CRIM1: variants seen among roughly 807,000 people sequenced by gnomAD.
CRIM1 encodes the protein cysteine rich transmembrane BMP regulator 1.
A neutral mutation model predicts 116.4 loss-of-function variants in CRIM1; 32 were observed. The observed-to-expected ratio is 0.27, with a 90% CI of 0.21 to 0.37. The LOEUF is 0.37. CRIM1 is among the 10% of genes least tolerant of loss of function. The pLI is 1.00. For synonymous variants in CRIM1, 590 were observed against 509.2 expected, an observed-to-expected ratio of 1.16 and a Z score of -2.13; for missense variants, 1,331 against 1,354.8, an observed-to-expected ratio of 0.98 and a Z score of 0.28.
chr2:36,463,825 C>T (rs952514952), intron 4 of CRIM1, among the ~76,000 whole-genome samples: 9 of 152,140 alleles, frequency 5.9e-5, no homozygotes, highest in African/African-American at 1.7e-4. Flanking sequence ...GCAGAGAGAT[C>T]GATGCTCAGG....
At chr2:36,432,790 TA>T (rs77459787) in intron 2 of CRIM1, among the ~76,000 whole-genome samples, 2 of 151,272 alleles carry the variant, frequency 1.3e-5, no homozygotes, top group Non-Finnish European at 3.0e-5. Flanking sequence ...TGGGGAACTG[TA>T]AAAAAAAATA....
intron 2 of CRIM1, among the ~76,000 whole-genome samples, chr2:36,397,036 T>C (rs146799448): frequency 5.9e-5 from 9 of 152,306 alleles, no homozygotes; most frequent in African/African-American, 2.2e-4. Context: ...AGGCCACCTC[T>C]GCATAATGGA....
At chr2:36,454,467 C>G (rs1676982759) in intron 4 of CRIM1, among the ~76,000 whole-genome samples, 1 of 152,048 alleles carries the variant, frequency 6.6e-6, no homozygotes, top group Non-Finnish European at 1.5e-5. Context: ...CAGGAATGAA[C>G]CGAGGTCTCT....
chr2:36,359,177 T>TTGAA (rs997853553), intron 1 of CRIM1, among the ~76,000 whole-genome samples: 2 of 152,208 alleles, frequency 1.3e-5, no homozygotes, highest in Admixed American at 1.3e-4. Context: ...TTTATTCATG[T>TTGAA]TGAAGTCTCT....
At chr2:36,477,340 G>A (rs3770854) in intron 6 of CRIM1, among the ~76,000 whole-genome samples, 11 of 152,086 alleles carry the variant, frequency 7.2e-5, no homozygotes, top group Admixed American at 1.3e-4. Flanking sequence ...GTTGTTTTCC[G>A]TTCCTCCCCT....
intron 5 of CRIM1, among the ~76,000 whole-genome samples, chr2:36,470,963 A>T (rs1257056514): frequency 6.6e-6 from 1 of 152,188 alleles, no homozygotes; most frequent in East Asian, 1.9e-4. Context: ...GAAGAAGTTG[A>T]TTCCAACCCT....
intron 7 of CRIM1, among the ~76,000 whole-genome samples, chr2:36,482,691 G>C (rs1263295770): frequency 6.6e-6 from 1 of 152,226 alleles, no homozygotes; most frequent in Non-Finnish European, 1.5e-5. Flanking sequence ...AAATTCCTCT[G>C]TGCACAGTTG....
At chr2:36,366,924 G>T (rs1163312303) in intron 1 of CRIM1, among the ~76,000 whole-genome samples, 1 of 152,226 alleles carries the variant, frequency 6.6e-6, no homozygotes, top group East Asian at 1.9e-4. Flanking sequence ...GGTGTGAGGA[G>T]TGTGGGATGC....
At chr2:36,373,951 G>C (rs78277067) in intron 1 of CRIM1, among the ~76,000 whole-genome samples, 1 of 152,146 alleles carries the variant, frequency 6.6e-6, no homozygotes, top group Non-Finnish European at 1.5e-5. Flanking sequence ...GCCATCATTC[G>C]TTAATTTACA....
intron 1 of CRIM1, among the ~76,000 whole-genome samples, chr2:36,394,189 C>T (rs1671836304): frequency 1.3e-5 from 2 of 152,132 alleles, no homozygotes; most frequent in Non-Finnish European, 2.9e-5. Context: ...AAGATTTCCT[C>T]TTAAAACTGT....
chr2:36,391,944 T>A (rs1671644166), intron 1 of CRIM1, among the ~76,000 whole-genome samples: 1 of 152,180 alleles, frequency 6.6e-6, no homozygotes, highest in Non-Finnish European at 1.5e-5. Context: ...AAAATAAAAA[T>A]TAGTTTCCTT....
chr2:36,508,551 C>T (rs1681589283), intron 8 of CRIM1, among the ~76,000 whole-genome samples: 1 of 152,166 alleles, frequency 6.6e-6, no homozygotes, highest in Non-Finnish European at 1.5e-5. Context: ...ACTCTGCTTC[C>T]CATTTCACCA....
Position 36,548,592 on chromosome 2 carries a change from GT to G in CRIM1, c.3004del (p.Ser1002ProfsTer5). Reference sequence around the variant, plus strand: ...AAAGGAACCAGAGTCCAGGTGGACAGTTCCCAGAGAATGCTAAGAATTGCAG... The same window carrying G: ...AAAGGAACCAGAGTCCAGGTGGACAGTCCCAGAGAATGCTAAGAATTGCAG... ...CKKGTRVQVDSSQRMLRIAEP... is the reference protein window; with the variant it reads ...CKKGTRVQVDXSQRMLRIAEP... On this transcript the variant is annotated frameshift_variant, in exon 17 of 17. Coordinates refer to ENST00000280527, the MANE Select transcript of CRIM1 (RefSeq NM_016441.3). LOFTEE classifies it high-confidence loss of function. 6.2e-7 allele frequency: 1 copy of G among 1,612,700 alleles called. No individual in the cohort carries two copies. Among genetic ancestry groups the G allele is most frequent in the Non-Finnish European group, 8.5e-7 (1 of 1,179,408 alleles).
chr2:36,356,923 G>T lies in CRIM1; in HGVS notation c.331+300G>T, dbSNP rs537747378. 2.1e-3 allele frequency among the ~76,000 whole-genome samples: 324 copies of T among 152,246 alleles called. No homozygotes were observed. The highest frequency in any genetic ancestry group is 3.8e-3 in the Non-Finnish European group (261 of 67,998). On this transcript the variant is annotated intron_variant, in intron 1 of 16. Transcript: ENST00000280527. This position sits in a 1 kb window ranked among gnomAD's most constrained non-coding sequence, Gnocchi z 4.3. The stretch of plus-strand genomic sequence containing the variant: ...TGGCCGTTCCTGCTGGGACTGGGTG[G>T]CCCGGCCTTGCTCCCCGAGGTGGGG...
chr2:36,463,629 C>A (rs1215910855), intron 4 of CRIM1, among the ~76,000 whole-genome samples: 1 of 152,218 alleles, frequency 6.6e-6, no homozygotes, highest in Admixed American at 6.5e-5. Context: ...TGACACCCAG[C>A]TGCCCTAAGT....
chr2:36,464,346 T>C lies in CRIM1; in HGVS notation c.870-188T>C, dbSNP rs1677826068. ...GGGTGTACATAAAGGAGACAAGCCT[T>C]AGTTATTTGAAAGCAAATTATGGTA... On this transcript the variant is annotated intron_variant, in intron 4 of 16. Coordinates refer to ENST00000280527, the MANE Select transcript of CRIM1 (RefSeq NM_016441.3). Among the ~76,000 whole-genome samples the C allele has an allele frequency of 2.0e-5, 3 of 152,172 alleles. No individual in the cohort carries two copies. In the South Asian group the frequency reaches 6.2e-4, roughly 32 times the overall value.
At position 36,472,654 on chromosome 2, in the gene CRIM1, C is replaced by G. The variant is rs148880849; in HGVS notation, c.992-4235C>G. On this transcript the variant is annotated intron_variant, in intron 5 of 16. Transcript: ENST00000280527. ...CTCAGATCATGCACCAGGGTTGTGG[C>G]TTCACCCAGATGGTAGCTGTGGTTG... 2.4e-3 allele frequency among the ~76,000 whole-genome samples: 363 copies of G among 152,330 alleles called. 2 individuals carry two copies. The highest frequency in any genetic ancestry group is 8.3e-3 in the African/African-American group (343 of 41,564).
chr2:36,480,066 A>G (rs971577236), intron 7 of CRIM1, among the ~76,000 whole-genome samples: 1 of 152,230 alleles, frequency 6.6e-6, no homozygotes, highest in Non-Finnish European at 1.5e-5. Flanking sequence ...TGATGCTTCC[A>G]TATGCCCAAG....
chr2:36,467,457 G>A (rs569844691), intron 5 of CRIM1, among the ~76,000 whole-genome samples: 70 of 152,220 alleles, frequency 4.6e-4, no homozygotes, highest in African/African-American at 1.6e-3. Context: ...CTAGTGTCCT[G>A]GAAAAATCTG....
Sources: allele counts gnomAD v4.1 joint callset (sites outside exome capture counted in the v4.1 genomes callset), GRCh38; gene constraint gnomAD v4.1.1; non-coding constraint Gnocchi (gnomAD v3.1); transcripts MANE v1.5; gene names NCBI Gene and HGNC (gene_info 2026-07-23, HGNC 2026-07-21).